Variants in AK1 observed in about 807,000 individuals in gnomAD.
The protein encoded by AK1 is adenylate kinase isoenzyme 1.
Under a neutral mutation model 23.9 loss-of-function variants are expected in AK1, and 13 were observed. That is an observed-to-expected ratio of 0.54 (90% CI 0.35 to 0.86). AK1 has a LOEUF of 0.86. Among genes scored for constraint, AK1 ranks in the 40% least tolerant of loss-of-function variants. AK1 has a pLI of 0.01. For synonymous variants in AK1, 97 were observed against 102.8 expected, an observed-to-expected ratio of 0.94 and a Z score of 0.34; for missense variants, 214 against 255.1, an observed-to-expected ratio of 0.84 and a Z score of 1.10.
In AK1 at chr9:127,866,547, C is replaced by T. The variant is rs897402601; in HGVS notation, c.*1461G>A. On this transcript the variant is annotated 3_prime_UTR_variant, in exon 7 of 7. Transcript: ENST00000644144. ...TTAAATAACCAATGGAAATGAAAAA[C>T]CAGCCCCACTTGCCATGAACAGCCC... is the stretch of plus-strand genomic sequence containing the variant. The T allele has an allele frequency of 6.6e-5, 10 of 152,298 alleles. No homozygotes were observed. Among genetic ancestry groups the T allele is most frequent in the Non-Finnish European group, 1.5e-4 (10 of 68,028 alleles). The allele number at this position is 152,298 out of a possible 1,614,324, so 9.4% of individuals were successfully genotyped here.
chr9:127,874,086 G>A (rs1829483132), intron 2 of AK1: 14 of 985,346 alleles, frequency 1.4e-5, no homozygotes, highest in Non-Finnish European at 1.6e-5. Context: ...GTCTTTAAGA[G>A]CTGCCCAGGC....
At chr9:127,872,065 T>TC in intron 4 of AK1, 126 bp from the exon 5 acceptor site, 1 of 802,792 alleles carries the variant, frequency 1.2e-6, no homozygotes, top group East Asian at 2.6e-5. Flanking sequence ...CAAACAAGCC[T>TC]CCCCCTCCAG....
upstream of AK1, among the ~76,000 whole-genome samples, chr9:127,879,066 A>AACACACACACAC (rs35534101): frequency 9.5e-4 from 138 of 146,012 alleles, no homozygotes; most frequent in African/African-American, 2.9e-3. Context: ...CTAAAAATAA[A>AACACACACACAC]ACACACACAC....
Position 127,871,915 on chromosome 9 carries a change from C to G in AK1, c.232G>C (p.Asp78His). The change falls in exon 5 of 7, where the codon GAT becomes CAT. Residue 78 changes from aspartate to histidine, a missense_variant. Asp to His is a moderately conservative substitution (Grantham distance 81). Transcript: ENST00000644144. This position sits in a 1 kb window ranked among gnomAD's most constrained non-coding sequence, Gnocchi z 4.4. ...PLETVLDMLR[D>H]AMVAKVNTSK... ...GTATTGACTTTGGCCACCATGGCAT[C>G]CCGGAGCATGTCCAACACTGTCTCC... 6.2e-7 allele frequency: 1 copy of G among 1,614,116 alleles called. No homozygotes were observed.
At chr9:127,873,334 G>C in intron 2 of AK1, 1 of 1,544,216 alleles carries the variant, frequency 6.5e-7, no homozygotes, top group Non-Finnish European at 8.7e-7. Flanking sequence ...CAGCCAGCGG[G>C]CTGGGCCGCC....
intron 2 of AK1, chr9:127,873,507 G>A (rs1467192508): frequency 3.8e-5 from 55 of 1,448,910 alleles, no homozygotes; most frequent in Non-Finnish European, 4.4e-5. Flanking sequence ...GCCCTGGGCC[G>A]GCCCATCACC....
intron 1 of AK1, chr9:127,874,957 G>A (rs1829503352): frequency 5.2e-6 from 2 of 381,938 alleles, no homozygotes; most frequent in South Asian, 2.5e-5. Flanking sequence ...TGGCACCGAG[G>A]GACATAAACA....
Position 127,866,833 on chromosome 9 carries a change from A to G in AK1, c.*1175T>C, listed in dbSNP as rs1337663120. ...AGCCCTCATGGCCGTGGCAATGGAC[A>G]GCGTCCACTCCTCACTCAGTGTGTT... On this transcript the variant is annotated 3_prime_UTR_variant, in exon 7 of 7. Transcript: ENST00000644144. The G allele has an allele frequency of 6.6e-6, 1 of 152,262 alleles. No individual in the cohort carries two copies. The highest frequency in any genetic ancestry group is 1.9e-4 in the East Asian group (1 of 5,192). 9.4% of individuals were successfully genotyped at this position (152,262 alleles called of 1,614,324 possible).
chr9:127,870,897 C>T (rs77306199), intron 5 of AK1, among the ~76,000 whole-genome samples: 7,880 of 147,264 alleles, frequency 0.054, 326 homozygotes, highest in South Asian at 0.14. Flanking sequence ...CTCCCCCTAG[C>T]CCTTGCCGAC....
chr9:127,870,177 C>A (rs1223443041), intron 5 of AK1, among the ~76,000 whole-genome samples: 1 of 149,660 alleles, frequency 6.7e-6, no homozygotes, highest in Non-Finnish European at 1.5e-5. Flanking sequence ...GCGGCACCTA[C>A]AACAGCCCTG....
chr9:127,878,975 G>C (rs1028132556), upstream of AK1, among the ~76,000 whole-genome samples: 1 of 151,958 alleles, frequency 6.6e-6, no homozygotes, highest in African/African-American at 2.4e-5. Flanking sequence ...ACTTCAGGAG[G>C]ACGAGGTGGG....
rs766113940 is a variant in AK1, at chr9:127,868,331, A to G, written c.506T>C (p.Ile169Thr). The change falls in exon 6 of 7, where the codon ATT (isoleucine) becomes ACT (threonine). Residue 169 changes from isoleucine to threonine, a missense_variant. By Grantham distance (89) the Ile-to-Thr change is moderately conservative. Coordinates refer to ENST00000644144, the MANE Select transcript of AK1 (RefSeq NM_000476.3). This position sits in a 1 kb window ranked among gnomAD's most constrained non-coding sequence, Gnocchi z 4.1. ...PVIAFYEKRG[I>T]VRKVNAEGSV... ...GCCCGCGGGGCCCACCTTGCGCACA[A>G]TGCCACGTTTCTCATAGAAGGCGAT... The G allele has an allele frequency of 9.4e-5, 149 of 1,592,316 alleles. No homozygotes were observed. Among genetic ancestry groups the G allele is most frequent in the Non-Finnish European group, 1.3e-4 (148 of 1,169,226 alleles).
At chr9:127,875,696 C>T (rs1306586582) in intron 1 of AK1, among the ~76,000 whole-genome samples, 3 of 151,934 alleles carry the variant, frequency 2.0e-5, no homozygotes, top group Admixed American at 1.3e-4. Flanking sequence ...ACAGGCTTCT[C>T]AGGCTCTGAA....
chr9:127,876,756 A>T (rs932664104), intron 1 of AK1, among the ~76,000 whole-genome samples: 1 of 148,926 alleles, frequency 6.7e-6, no homozygotes, highest in South Asian at 2.1e-4. Context: ...AGGAGGCCTC[A>T]CAGAGGACAG....
chr9:127,878,598 G>A (rs1460937184), upstream of AK1: 2 of 152,260 alleles, frequency 1.3e-5, no homozygotes, highest in Admixed American at 6.5e-5. Flanking sequence ...AGATGGTGAG[G>A]TGGGTTGAAC....
At chr9:127,870,838 T>C (rs2010640) in intron 5 of AK1, among the ~76,000 whole-genome samples, 11,744 of 78,584 alleles carry the variant, frequency 0.15, 534 homozygotes, top group South Asian at 0.24. Context: ...GAATGGGGCA[T>C]GGGGATGGGA....
chr9:127,873,819 A>T (rs1356279870), intron 2 of AK1: 1 of 985,338 alleles, frequency 1.0e-6, no homozygotes, highest in Non-Finnish European at 1.2e-6. Context: ...ATAGAGGACC[A>T]GGCTGTATCC....
chr9:127,874,786 G>T, intron 1 of AK1, 137 bp from the exon 2 acceptor site: 1 of 880,938 alleles, frequency 1.1e-6, no homozygotes, highest in East Asian at 2.7e-5. Context: ...GCTGGGGGCA[G>T]GGAAGGCCCA....
chr9:127,868,292 G>C lies in AK1; in HGVS notation c.516+29C>G. 2 of 1,555,106 alleles carry C rather than the reference G, an allele frequency of 1.3e-6. No homozygotes were observed. Among genetic ancestry groups the C allele is most frequent in the Non-Finnish European group, 1.7e-6 (2 of 1,149,342 alleles). ...AGCCACATAGGAACCCGTTCTTCCCGGAGCTGCCCCTGGGCCCGCGGGGCC... is the reference window on the plus strand; with the variant it reads ...AGCCACATAGGAACCCGTTCTTCCCCGAGCTGCCCCTGGGCCCGCGGGGCC... On this transcript the variant is annotated intron_variant, in intron 6 of 6. Coordinates refer to ENST00000644144, the MANE Select transcript of AK1 (RefSeq NM_000476.3). This position sits in a 1 kb window ranked among gnomAD's most constrained non-coding sequence, Gnocchi z 4.1.
Sources: allele counts gnomAD v4.1 joint callset (sites outside exome capture counted in the v4.1 genomes callset), GRCh38; gene constraint gnomAD v4.1.1; non-coding constraint Gnocchi (gnomAD v3.1); transcripts MANE v1.5; gene names NCBI Gene and HGNC (gene_info 2026-07-23, HGNC 2026-07-21).